Variants in SEMA4B observed in about 807,000 individuals in gnomAD.
SEMA4B encodes the protein semaphorin 4B.
SEMA4B carries 55 observed loss-of-function variants against 88.1 expected under a neutral mutation model. The observed-to-expected ratio is 0.62, with a 90% CI of 0.50 to 0.78. The LOEUF (loss-of-function observed/expected upper bound fraction) is 0.78. SEMA4B is among the 30% of genes least tolerant of loss of function. SEMA4B has a pLI of 0.00. For synonymous variants in SEMA4B, 525 were observed against 473.6 expected (o/e 1.11, Z -1.41); for missense variants, 1,062 against 1,111.9 (o/e 0.96, Z 0.64).
chr15:90,210,818 G>A (rs1033780757), intron 1 of SEMA4B, among the ~76,000 whole-genome samples: 1 of 152,154 alleles, frequency 6.6e-6, no homozygotes, highest in African/African-American at 2.4e-5. Flanking sequence ...TGAACGTGGG[G>A]CTGGCTGAGG....
chr15:90,199,120 C>T (rs986504685), upstream of SEMA4B, among the ~76,000 whole-genome samples: 1 of 151,992 alleles, frequency 6.6e-6, no homozygotes, highest in Non-Finnish European at 1.5e-5. Context: ...GTGATCTGCC[C>T]GCCTCGGCCC....
In SEMA4B at chr15:90,188,431, C is replaced by G. The variant is rs1960238043; in HGVS notation, c.-122+3350C>G. Among the ~76,000 whole-genome samples, 3 of 151,652 alleles carry G rather than the reference C, an allele frequency of 2.0e-5. No individual in the cohort carries two copies. In the South Asian group the frequency reaches 6.2e-4, roughly 32 times the overall value. On this transcript the variant is annotated intron_variant, in intron 1 of 14. Transcript: ENST00000332496. ...TCACCTGAGGTCAGGGGTTCAAGAC[C>G]AGGCTGGCCAACATGGTGAAACCCT...
chr15:90,196,118 C>T (rs369522175), intron 1 of SEMA4B, among the ~76,000 whole-genome samples: 1,933 of 146,894 alleles, frequency 0.013, 15 homozygotes, highest in Middle Eastern at 0.035. Flanking sequence ...TTAGTAGAGA[C>T]GGGGTTTCAC....
chr15:90,221,571 G>T (rs1156603852), intron 6 of SEMA4B, 43 bp from the exon 7 acceptor site: 2 of 1,610,886 alleles, frequency 1.2e-6, no homozygotes, highest in African/African-American at 2.7e-5. Context: ...CCTGTCTCCA[G>T]GGTTCCTGGG....
At position 90,225,644 on chromosome 15, in the gene SEMA4B, C is replaced by T. The variant is rs774025722; in HGVS notation, c.1522-17C>T. 17 of 1,557,708 alleles carry T rather than the reference C, an allele frequency of 1.1e-5. No individual in the cohort carries two copies. Among genetic ancestry groups the T allele is most frequent in the South Asian group, 2.4e-5 (2 of 84,654 alleles). On this transcript the variant is annotated splice_polypyrimidine_tract_variant and intron_variant, in intron 11 of 13. Transcript: ENST00000411539. ...GCTGCCCATGCCCGCTTCTCATCCC[C>T]GTGTCTGGCTGTGCAGGGGCTGCTG...
At position 90,228,394 on chromosome 15, in the gene SEMA4B, C is replaced by T. The variant is rs546297147; in HGVS notation, c.2265C>T (p.Ser755=). 6.3e-6 allele frequency: 10 copies of T among 1,599,632 alleles called. No homozygotes were observed. The South Asian group carries it at 6.8e-5, about 11-fold the overall frequency. Residue 755 remains serine, a synonymous_variant, in exon 14 of 14, where the codon AGC becomes AGT. Transcript: ENST00000411539. ...TCCTGAAGCAGGGGGAATGTGCCAG[C>T]GTGCACCCCAAGACCTGCCCTGTGG... ...KVFLKQGECA[S]VHPKTCPVVL... is the part of the protein sequence containing the mutation.
intron 11 of SEMA4B, 93 bp from the exon 12 acceptor site, chr15:90,225,568 G>C (rs553970244): frequency 5.6e-6 from 8 of 1,431,296 alleles, no homozygotes; most frequent in Non-Finnish European, 7.6e-6. Context: ...AGGCCTCTTG[G>C]GGGTGGCTCT....
intron 1 of SEMA4B, among the ~76,000 whole-genome samples, chr15:90,213,493 T>G (rs974089534): frequency 3.3e-5 from 5 of 152,244 alleles, no homozygotes; most frequent in African/African-American, 1.2e-4. Context: ...CTGGCTCGTT[T>G]GGAGGCCTGG....
chr15:90,186,557 T>A (rs117266268), intron 1 of SEMA4B, among the ~76,000 whole-genome samples: 9,041 of 151,886 alleles, frequency 0.06, 340 homozygotes, highest in Non-Finnish European at 0.084. Flanking sequence ...AGGCGGAGGT[T>A]CCCTGAGCCA....
chr15:90,201,025 A>C (rs1331475169), upstream of SEMA4B, among the ~76,000 whole-genome samples: 1 of 152,180 alleles, frequency 6.6e-6, no homozygotes, highest in Non-Finnish European at 1.5e-5. Flanking sequence ...CTAGGCGCAT[A>C]GCGGGGACGC....
At chr15:90,190,584 G>A (rs1487861119) in intron 1 of SEMA4B, 3 of 152,404 alleles carry the variant, frequency 2.0e-5, no homozygotes, top group South Asian at 2.1e-4. Context: ...GTTTCCTGAG[G>A]TGGAGGGAGG....
At chr15:90,202,352 G>T (rs1960788337) in intron 1 of SEMA4B, among the ~76,000 whole-genome samples, 1 of 152,164 alleles carries the variant, frequency 6.6e-6, no homozygotes, top group Non-Finnish European at 1.5e-5. Context: ...CTGCGGATGG[G>T]GGCAGCTCTG....
At chr15:90,213,446 A>G (rs1961369713) in intron 1 of SEMA4B, among the ~76,000 whole-genome samples, 1 of 152,218 alleles carries the variant, frequency 6.6e-6, no homozygotes, top group Admixed American at 6.5e-5. Context: ...TTGTCGTTTC[A>G]TTCACTCTAC....
At chr15:90,195,373 T>C (rs1417599425) in intron 1 of SEMA4B, among the ~76,000 whole-genome samples, 1 of 152,152 alleles carries the variant, frequency 6.6e-6, no homozygotes, top group Non-Finnish European at 1.5e-5. Context: ...ATTACAGGTG[T>C]CAGCCACCTC....
Position 90,220,840 on chromosome 15 carries a change from G to A in SEMA4B, c.484-142G>A, listed in dbSNP as rs79167594. On this transcript the variant is annotated intron_variant, in intron 4 of 13. Transcript: ENST00000411539. ...CCGTGTCCTGGCTGAGGAGGACGGC[G>A]TCCCTGACACCTGACCCCTTCTGTC... 45 of 630,026 alleles carry A rather than the reference G, an allele frequency of 7.1e-5. No homozygotes were observed. The East Asian group carries it at 1.2e-3, about 16-fold the overall frequency. The allele number at this position is 630,026 out of a possible 1,614,324, so 39.0% of individuals were successfully genotyped here.
chr15:90,192,127 T>G (rs908512610), intron 1 of SEMA4B: 3 of 152,508 alleles, frequency 2.0e-5, no homozygotes, highest in Non-Finnish European at 4.4e-5. Flanking sequence ...GAGGCCTTGC[T>G]GGGCAGCCTG....
At chr15:90,214,564 C>T (rs1014661891) in intron 1 of SEMA4B, among the ~76,000 whole-genome samples, 7 of 132,884 alleles carry the variant, frequency 5.3e-5, no homozygotes, top group South Asian at 5.1e-4. Flanking sequence ...ACCTGGGAGG[C>T]GGAGGTTGCG....
At chr15:90,206,985 C>T (rs1961022829) in intron 1 of SEMA4B, 1 of 479,716 alleles carries the variant, frequency 2.1e-6, no homozygotes, top group South Asian at 1.9e-5. Flanking sequence ...ATCTTTGGCT[C>T]ACAAAAAAAA....
At chr15:90,219,396 GGGGTTCA>G (rs1365937762) in intron 3 of SEMA4B, 1 of 165,548 alleles carries the variant, frequency 6.0e-6, no homozygotes, top group African/African-American at 2.4e-5. Context: ...GCATGAATCT[GGGGTTCA>G]GGGTTCAGGG....
Sources: gnomAD v4.1 joint callset for allele counts (sites outside exome capture counted in the v4.1 genomes callset) on GRCh38, gnomAD v4.1.1 for gene constraint, MANE v1.5 for transcripts, NCBI Gene and HGNC (gene_info 2026-07-23, HGNC 2026-07-21) for gene names.